Variants in ODF2L observed in about 807,000 individuals in gnomAD.
ODF2L encodes outer dense fiber of sperm tails 2 like.
ODF2L carries 76 observed loss-of-function variants against 86.3 expected under a neutral mutation model. That is an observed-to-expected ratio of 0.88 (90% confidence interval 0.73 to 1.07). ODF2L has a LOEUF of 1.07. Ranked by LOEUF, ODF2L falls within the 50% of genes least tolerant of loss-of-function variation. The probability of loss-of-function intolerance (pLI) is 0.00; values close to 1 mark genes in which losing one functional copy is unlikely to be tolerated. For missense variants in ODF2L, 748 were observed against 717.4 expected, an observed-to-expected ratio of 1.04 and a Z score of -0.49; for synonymous variants, 241 against 231.3, an observed-to-expected ratio of 1.04 and a Z score of -0.38.
rs767938802 is a variant in ODF2L, at chr1:86,358,917, T to C, written c.1255-26A>G. Reference sequence around the variant, plus strand: ...CTGAAAATAAAGTATTAGAGAAACATATTATTTTTAGAATCATAACATGAG... The same window carrying C: ...CTGAAAATAAAGTATTAGAGAAACACATTATTTTTAGAATCATAACATGAG... On this transcript the variant is annotated intron_variant, in intron 12 of 17. Coordinates refer to ENST00000317336, the Ensembl canonical transcript of ODF2L. 7.3e-6 allele frequency: 8 copies of C among 1,097,152 alleles called. No individual in the cohort carries two copies. The East Asian group carries it at 1.6e-4, about 22-fold the overall frequency. 68.0% of individuals were successfully genotyped at this position (1,097,152 alleles called of 1,614,324 possible). A position where few individuals can be genotyped will look rare whatever the true frequency, so the allele number is the denominator to read the frequency against.
intron 7 of ODF2L, among the ~76,000 whole-genome samples, chr1:86,381,569 C>G (rs1049895438): frequency 2.6e-5 from 4 of 151,740 alleles, no homozygotes; most frequent in African/African-American, 7.3e-5. Context: ...GAGTTTGAGT[C>G]TCTGTAACCT....
At chr1:86,389,192 A>G (rs1305529167) in intron 1 of ODF2L, among the ~76,000 whole-genome samples, 1 of 152,250 alleles carries the variant, frequency 6.6e-6, no homozygotes. Context: ...ATTTCACAAT[A>G]AAATGTTTTC....
chr1:86,391,312 A>G (rs941521579), intron 1 of ODF2L, among the ~76,000 whole-genome samples: 5 of 152,052 alleles, frequency 3.3e-5, no homozygotes, highest in Admixed American at 1.3e-4. Context: ...TACCATCATC[A>G]CTCTTCACAG....
At chr1:86,363,744 G>A (rs1313770044) in intron 11 of ODF2L, among the ~76,000 whole-genome samples, 2 of 151,808 alleles carry the variant, frequency 1.3e-5, no homozygotes, top group Non-Finnish European at 2.9e-5. Context: ...GAGATTACAG[G>A]TGATTTAAAT....
intron 7 of ODF2L, among the ~76,000 whole-genome samples, chr1:86,376,764 G>T (rs1216092121): frequency 6.6e-6 from 1 of 152,130 alleles, no homozygotes; most frequent in African/African-American, 2.4e-5. Flanking sequence ...CATGAGAACA[G>T]CATGGGGAAA....
At chr1:86,367,169 G>A (rs568054513) in intron 11 of ODF2L, among the ~76,000 whole-genome samples, 1 of 152,142 alleles carries the variant, frequency 6.6e-6, no homozygotes, top group African/African-American at 2.4e-5. Flanking sequence ...GAAAACCATG[G>A]AGCAAAGCCT....
At chr1:86,392,727 G>A (rs1661420100) in intron 1 of ODF2L, among the ~76,000 whole-genome samples, 1 of 152,064 alleles carries the variant, frequency 6.6e-6, no homozygotes, top group Non-Finnish European at 1.5e-5. Flanking sequence ...ACTGCTCAGG[G>A]ATGGGTGCAC....
At chr1:86,348,719 T>C (rs1557992242), downstream of ODF2L, 1 of 1,402,538 alleles carries the variant, frequency 7.1e-7, no homozygotes, top group Non-Finnish European at 9.3e-7. Flanking sequence ...ATAATAAAAA[T>C]CTACTACTTA....
chr1:86,382,371 G>C lies in ODF2L; in HGVS notation c.508-13C>G. The C allele has an allele frequency of 1.9e-6, 3 of 1,607,248 alleles. No individual in the cohort carries two copies. In the African/African-American group the frequency reaches 4.0e-5, roughly 22 times the overall value. ...TCAAAGTATTTGCCTGTAACAAAGA[G>C]AAAGAGAAAACCAAAAAAATCCATA... On this transcript the variant is annotated splice_polypyrimidine_tract_variant and intron_variant, in intron 6 of 17. Coordinates refer to ENST00000317336, the Ensembl canonical transcript of ODF2L.
chr1:86,357,249 C>G (rs553193995), intron 13 of ODF2L, among the ~76,000 whole-genome samples: 10 of 152,136 alleles, frequency 6.6e-5, no homozygotes, highest in Admixed American at 2.6e-4. Flanking sequence ...AATGTTTGCA[C>G]TGCTAATTAC....
chr1:86,354,629 T>A, exon 16 of ODF2L: 1 of 1,611,500 alleles, frequency 6.2e-7, no homozygotes. Context: ...GCTTAAGACA[T>A]TCTTCTTGGT....
At chr1:86,375,697 T>C (rs1558040129) in intron 8 of ODF2L, among the ~76,000 whole-genome samples, 2 of 152,210 alleles carry the variant, frequency 1.3e-5, no homozygotes, top group African/African-American at 4.8e-5. Context: ...GAGATTAAAT[T>C]AGGTTAATTA....
In ODF2L at chr1:86,356,440, A is replaced by G. The variant is rs138813020; in HGVS notation, c.1518+4T>C. 6.3e-7 allele frequency: 1 copy of G among 1,595,914 alleles called. No individual in the cohort carries two copies. On this transcript the variant is annotated splice_donor_region_variant and intron_variant, in intron 14 of 17. Transcript: ENST00000317336. ...TAGCAAAACTCAGAAGGACGGCTGG[A>G]CACCTGGCCCTGAAGCTCCCTAATG...
At chr1:86,375,510 C>T (rs1031218604) in intron 8 of ODF2L, among the ~76,000 whole-genome samples, 1 of 151,940 alleles carries the variant, frequency 6.6e-6, no homozygotes, top group Non-Finnish European at 1.5e-5. Flanking sequence ...AACATAAGTT[C>T]TTAAGAGGCA....
At chr1:86,385,429 A>G (rs1278142601) in intron 3 of ODF2L, 29 bp downstream of exon 3, 1 of 1,393,794 alleles carries the variant, frequency 7.2e-7, no homozygotes, top group South Asian at 1.2e-5. Context: ...CTAGCTTTTC[A>G]TTTTATTATA....
chr1:86,354,954 G>A (rs1311326012), intron 14 of ODF2L, 95 bp from the exon 14 acceptor site: 10 of 688,450 alleles, frequency 1.5e-5, no homozygotes, highest in Admixed American at 5.2e-5. Context: ...CACAAGCAAC[G>A]AGAAGGTATA....
intron 7 of ODF2L, among the ~76,000 whole-genome samples, chr1:86,380,214 T>C (rs1660468615): frequency 6.6e-6 from 1 of 152,088 alleles, no homozygotes; most frequent in South Asian, 2.1e-4. Flanking sequence ...TCTACAATCA[T>C]CAAAATCTAA....
intron 11 of ODF2L, among the ~76,000 whole-genome samples, chr1:86,366,495 T>C (rs111235659): frequency 0.014 from 2,066 of 150,336 alleles, 21 homozygotes; most frequent in Middle Eastern, 0.037. Context: ...TGGTCCCAGC[T>C]ACTTGGGAGG....
intron 8 of ODF2L, among the ~76,000 whole-genome samples, chr1:86,375,969 T>A (rs1168574513): frequency 6.6e-6 from 1 of 152,192 alleles, no homozygotes; most frequent in African/African-American, 2.4e-5. Flanking sequence ...ATAGAACCTT[T>A]TTTTGTGTGT....
Sources: allele counts gnomAD v4.1 joint callset (sites outside exome capture counted in the v4.1 genomes callset), GRCh38; gene constraint gnomAD v4.1.1; transcripts MANE v1.5; gene names NCBI Gene and HGNC (gene_info 2026-07-23, HGNC 2026-07-21).